Variants in LRP2 observed in about 807,000 individuals in gnomAD.
The protein encoded by LRP2 is low-density lipoprotein receptor-related protein 2.
Under a neutral mutation model 531.0 loss-of-function variants are expected in LRP2, and 172 were observed. The ratio of observed to expected loss-of-function variants is 0.32; its 90% CI spans 0.29 to 0.37. The LOEUF is 0.37. Among genes scored for constraint, LRP2 ranks in the 10% least tolerant of loss-of-function variants. The probability of loss-of-function intolerance (pLI) is 1.00; values close to 1 mark genes in which losing one functional copy is unlikely to be tolerated. For missense variants in LRP2, 5,167 were observed against 5,868.3 expected (o/e 0.88, Z 3.90); for synonymous variants, 1,992 against 2,027.6 (o/e 0.98, Z 0.47).
intron 64 of LRP2, 88 bp from the exon 65 acceptor site, chr2:169,156,493 C>T: frequency 6.9e-7 from 1 of 1,454,466 alleles, no homozygotes; most frequent in Non-Finnish European, 9.6e-7. Context: ...TATTCACCAG[C>T]AATGAGGACC....
rs1294960600 is a variant in LRP2 at position 169,235,947 on chromosome 2, T to C, written c.4813A>G (p.Ile1605Val). The C allele has an allele frequency of 1.2e-6, 2 of 1,614,094 alleles. No homozygotes were observed. The highest frequency in any genetic ancestry group is 2.2e-5 in the East Asian group (1 of 44,870). The change falls in exon 29 of 79, where the codon ATT (isoleucine) becomes GTT (valine). Residue 1605 changes from isoleucine (I) to valine (V), a missense_variant. Transcript: ENST00000649046. ...DKIFWPCGLT[I>V]DYPNRLLYFM... ...TAGAGCAGTCTGTTGGGGTAGTCAA[T>C]AGTTAAGCCGCAGGGCCAGAAGATC...
rs921467770 is a variant in LRP2, at chr2:169,128,807, A to G, written c.13824T>C (p.Ser4608=). The stretch of plus-strand genomic sequence containing the variant: ...GTGATGGAGGTGGTGTCGCAGCAAC[A>G]CTTTCCTTTTGCTCGTTCTCCATCT... ...YAQMENEQKE[S]VAATPPPSPS... is the part of the protein sequence containing the mutation. Residue 4608 remains serine (S), a synonymous_variant, in exon 79 of 79, where the codon AGT becomes AGC. Transcript: ENST00000649046. 23 of 1,614,076 alleles carry G rather than the reference A, an allele frequency of 1.4e-5. No homozygotes were observed. Among genetic ancestry groups the G allele is most frequent in the Non-Finnish European group, 1.9e-5 (23 of 1,179,994 alleles).
Position 169,206,465 on chromosome 2 carries a change from T to C in LRP2, c.7255A>G (p.Arg2419Gly). The C allele has an allele frequency of 6.2e-7, 1 of 1,614,238 alleles. No individual in the cohort carries two copies. Among genetic ancestry groups the C allele is most frequent in the Non-Finnish European group, 8.5e-7 (1 of 1,180,034 alleles). The change falls in exon 39 of 79, where the codon AGA (arginine) becomes GGA (glycine). Residue 2419 changes from arginine to glycine, a missense_variant. This residue lies in a region of LRP2 where 2,811 missense variants were observed against 3,058.0 expected (regional missense o/e 0.92). Coordinates refer to ENST00000649046, the MANE Select transcript of LRP2 (RefSeq NM_004525.3). ...SPPFQTINVE[R>G]TVMSLDYDSV... ...TCATAGTCTAGAGACATGACAGTTCTTTCCACATTTATTGTTTGGAAAGGT... is the reference window on the plus strand; with the variant it reads ...TCATAGTCTAGAGACATGACAGTTCCTTCCACATTTATTGTTTGGAAAGGT...
intron 30 of LRP2, among the ~76,000 whole-genome samples, chr2:169,232,759 C>T (rs941361193): frequency 1.4e-4 from 22 of 152,142 alleles, no homozygotes; most frequent in African/African-American, 4.8e-4. Context: ...AGGCAGGAGT[C>T]GCCTGCTGTG....
intron 6 of LRP2, 128 bp from the exon 7 acceptor site, chr2:169,292,497 A>T: frequency 1.4e-6 from 1 of 695,426 alleles, no homozygotes; most frequent in South Asian, 1.6e-5. Flanking sequence ...TCCCTTAGAC[A>T]TCTTGACAAA....
chr2:169,185,756 C>T lies in LRP2; in HGVS notation c.9592G>A (p.Glu3198Lys), dbSNP rs189273089. The change falls in exon 50 of 79, where the codon GAA (glutamate) becomes AAA (lysine). Residue 3198 changes from glutamate to lysine, a missense_variant. Around this residue, in one of 6 missense-constraint regions of LRP2, gnomAD observed 1,129 missense variants for 1,362.7 expected, o/e 0.83. Transcript: ENST00000649046. ...GKTCRQNSNI[E>K]PYLIFSNRYY... ...CGGTTGCTAAAAATGAGATAGGGTT[C>T]GATGTTACTGTTTTGCCGGCAGGTC... is the stretch of plus-strand genomic sequence containing the variant. 85 of 1,612,986 alleles carry T rather than the reference C, an allele frequency of 5.3e-5. No individual in the cohort carries two copies. Among genetic ancestry groups the T allele is most frequent in the Admixed American group, 4.8e-4 (29 of 59,832 alleles).
intron 68 of LRP2, among the ~76,000 whole-genome samples, chr2:169,149,602 C>T (rs1485797026): frequency 1.3e-5 from 2 of 151,982 alleles, no homozygotes; most frequent in South Asian, 2.1e-4. Flanking sequence ...ACTGGGAGGG[C>T]GAGGCAGATG....
rs1238102680 is a variant in LRP2, at chr2:169,209,605, G to A, written c.6317C>T (p.Ser2106Phe). The A allele has an allele frequency of 2.5e-6, 4 of 1,614,090 alleles. No individual in the cohort carries two copies. The South Asian group carries it at 3.3e-5, about 13-fold the overall frequency. Residue 2106 changes from serine (S) to phenylalanine (F), a missense_variant, in exon 38 of 79, where the codon TCT (serine) becomes TTT (phenylalanine). Transcript: ENST00000649046. ...NALHVDVDVS[S>F]GFIYWCDFSS... The stretch of plus-strand genomic sequence containing the variant: ...AAAATCACACCAATAAATAAAGCCA[G>A]AGGACACATCCACATCCACATGCAG...
intron 36 of LRP2, 31 bp downstream of exon 36, chr2:169,213,626 C>A (rs766261251): frequency 2.0e-6 from 3 of 1,530,954 alleles, no homozygotes; most frequent in Non-Finnish European, 2.7e-6. Context: ...CATTATACAC[C>A]CATGAATGTA....
In LRP2 at chr2:169,129,589, T is replaced by A. The variant is rs189822622; in HGVS notation, c.13729-505A>T. Reference sequence around the variant, plus strand: ...ATAATAATAACAAAAACATCTAACATTTATTGAGTGCTTACTATGTGTCAG... The same window carrying A: ...ATAATAATAACAAAAACATCTAACAATTATTGAGTGCTTACTATGTGTCAG... On this transcript the variant is annotated intron_variant, in intron 77 of 78. Transcript: ENST00000649046. 2.6e-5 allele frequency among the ~76,000 whole-genome samples: 4 copies of A among 152,320 alleles called. No homozygotes were observed. In the East Asian group the frequency reaches 7.7e-4, roughly 29 times the overall value.
At chr2:169,306,669 C>T (rs749006264) in intron 4 of LRP2, among the ~76,000 whole-genome samples, 1 of 151,682 alleles carries the variant, frequency 6.6e-6, no homozygotes, top group Non-Finnish European at 1.5e-5. Context: ...ATATAAGCCT[C>T]GAAAGAGGAA....
At position 169,294,198 on chromosome 2, in the gene LRP2, A is replaced by G; in HGVS notation, c.602T>C (p.Val201Ala). The change falls in exon 6 of 79, where the codon GTC becomes GCC. Residue 201 changes from valine (V) to alanine (A), a missense_variant. By Grantham distance (64) the Val-to-Ala change is moderately conservative (BLOSUM62 0). Around this residue, in one of 6 missense-constraint regions of LRP2, gnomAD observed 2,811 missense variants for 3,058.0 expected, o/e 0.92. Coordinates refer to ENST00000649046, the MANE Select transcript of LRP2 (RefSeq NM_004525.3). The stretch of plus-strand genomic sequence containing the variant: ...TTGGCAATCATTGTCATGGTCACAG[A>G]CATAAGCACGAGGGATACACTCTCC... ...GNGECIPRAY[V>A]CDHDNDCQDG... is the part of the protein sequence containing the mutation. 6.2e-7 allele frequency: 1 copy of G among 1,614,106 alleles called. No individual in the cohort carries two copies. Among genetic ancestry groups the G allele is most frequent in the Non-Finnish European group, 8.5e-7 (1 of 1,179,940 alleles).
At chr2:169,202,059 CA>C (rs1180671935) in intron 43 of LRP2, among the ~76,000 whole-genome samples, 189 bp from the exon 44 acceptor site, 3 of 152,124 alleles carry the variant, frequency 2.0e-5, no homozygotes, top group Non-Finnish European at 4.4e-5. Context: ...ATGTTGTATA[CA>C]TTTTTAAAAT....
intron 4 of LRP2, among the ~76,000 whole-genome samples, chr2:169,301,290 A>G (rs1684278872): frequency 6.6e-6 from 1 of 152,136 alleles, no homozygotes; most frequent in African/African-American, 2.4e-5. Context: ...TGAATGACCT[A>G]TAATTGCTGC....
chr2:169,352,828 A>G (rs1023448798), intron 1 of LRP2, among the ~76,000 whole-genome samples: 2 of 151,338 alleles, frequency 1.3e-5, no homozygotes, highest in African/African-American at 2.4e-5. Flanking sequence ...AGGGGGGGGA[A>G]CATCACACAC....
chr2:169,138,555 A>G, intron 75 of LRP2, 22 bp downstream of exon 75: 1 of 1,612,778 alleles, frequency 6.2e-7, no homozygotes, highest in South Asian at 1.1e-5. Flanking sequence ...CCTTCAAATA[A>G]TCATTTTGAA....
Position 169,246,802 on chromosome 2 carries a change from G to A in LRP2, c.3093C>T (p.Phe1031=), listed in dbSNP as rs777763770. The change falls in exon 21 of 79, where the codon TTC becomes TTT. Residue 1031 remains phenylalanine, a synonymous_variant. Transcript: ENST00000649046. ...GCACACATCTGCCATTTTTACAGGG[G>A]AAGGAAAATAAGCCACACTGCTCTG... ...PPTEQCGLFS[F]PCKNGRCVPN... is the part of the protein sequence containing the mutation. 9 of 1,614,150 alleles carry A rather than the reference G, an allele frequency of 5.6e-6. No homozygotes were observed. The highest frequency in any genetic ancestry group is 7.6e-6 in the Non-Finnish European group (9 of 1,180,026).
intron 47 of LRP2, among the ~76,000 whole-genome samples, chr2:169,192,313 T>C (rs1463474922): frequency 6.6e-6 from 1 of 152,198 alleles, no homozygotes; most frequent in African/African-American, 2.4e-5. Flanking sequence ...CTTTTTCCCT[T>C]AGGGCTTCAG....
At chr2:169,197,075 A>G (rs1001259111) in intron 45 of LRP2, 45 bp from the exon 46 acceptor site, 1 of 1,608,580 alleles carries the variant, frequency 6.2e-7, no homozygotes, top group African/African-American at 1.3e-5. Flanking sequence ...AAACACAAGC[A>G]TGTTCCCATC....
Sources: allele counts gnomAD v4.1 joint callset (sites outside exome capture counted in the v4.1 genomes callset), GRCh38; gene constraint gnomAD v4.1.1; regional missense constraint gnomAD v4.1.1; transcripts MANE v1.5; gene names NCBI Gene and HGNC (gene_info 2026-07-23, HGNC 2026-07-21).